Variants in WTIP observed in about 807,000 individuals in gnomAD.
The protein encoded by WTIP is WT1 interacting protein.
A neutral mutation model predicts 41.7 loss-of-function variants in WTIP; 23 were observed. The ratio of observed to expected loss-of-function variants is 0.55; its 90% confidence interval spans 0.40 to 0.78. The LOEUF (loss-of-function observed/expected upper bound fraction) is 0.78, where lower values mean the gene tolerates loss of function less well. WTIP is among the 30% of genes least tolerant of loss of function. The pLI is 0.00. For missense variants in WTIP, 619 were observed against 610.5 expected, an observed-to-expected ratio of 1.01 and a Z score of -0.15; for synonymous variants, 314 against 269.9, an observed-to-expected ratio of 1.16 and a Z score of -1.60.
chr19:34,495,682 G>A, intron 6 of WTIP, 21 bp from the exon 7 acceptor site: 2 of 1,613,488 alleles, frequency 1.2e-6, no homozygotes, highest in South Asian at 2.2e-5. Context: ...CATCGTGTGT[G>A]AACTCCTTCT....
chr19:34,488,665 C>T (rs1209006188), intron 1 of WTIP, among the ~76,000 whole-genome samples: 1 of 151,898 alleles, frequency 6.6e-6, no homozygotes, highest in Non-Finnish European at 1.5e-5. Flanking sequence ...CTGCACCCAG[C>T]CCGCTTCCTT....
intron 1 of WTIP, among the ~76,000 whole-genome samples, chr19:34,485,595 A>AT (rs780006743): frequency 4.8e-3 from 679 of 142,672 alleles, no homozygotes; most frequent in African/African-American, 9.7e-3. Context: ...TTTTAAATTA[A>AT]TTTTTTTTTT....
At chr19:34,491,435 T>G (rs1224959933) in intron 2 of WTIP, among the ~76,000 whole-genome samples, 1 of 152,164 alleles carries the variant, frequency 6.6e-6, no homozygotes, top group Non-Finnish European at 1.5e-5. Context: ...GCGATTCTTC[T>G]GCCTCAGCCT....
Position 34,508,834 on chromosome 19 carries a change from G to A in WTIP, c.*8565G>A, listed in dbSNP as rs2075923153. Reference sequence around the variant, plus strand: ...AGACGCCTGTAGTAAAATCCGCTCTGTGACGGTGGTGTATAAACATTTTCT... The same window carrying A: ...AGACGCCTGTAGTAAAATCCGCTCTATGACGGTGGTGTATAAACATTTTCT... On this transcript the variant is annotated 3_prime_UTR_variant, in exon 8 of 8. Coordinates refer to ENST00000590071, the MANE Select transcript of WTIP (RefSeq NM_001080436.2). The A allele has an allele frequency of 6.6e-6, 1 of 152,210 alleles. No individual in the cohort carries two copies. Among genetic ancestry groups the A allele is most frequent in the Admixed American group, 6.5e-5 (1 of 15,278 alleles). The allele number at this position is 152,210 out of a possible 1,614,324, so 9.4% of individuals were successfully genotyped here. A position where few individuals can be genotyped will look rare whatever the true frequency, so the allele number is the denominator to read the frequency against.
In WTIP at chr19:34,511,614, T is replaced by C. The variant is rs1337652723; in HGVS notation, c.*11345T>C. ...CATGGCCACCTTGCCCACTAGAACATCTGTGCCAAGCAGTGTTCCCATCAA... is the reference window on the plus strand; with the variant it reads ...CATGGCCACCTTGCCCACTAGAACACCTGTGCCAAGCAGTGTTCCCATCAA... On this transcript the variant is annotated 3_prime_UTR_variant, in exon 8 of 8. Transcript: ENST00000590071. The C allele has an allele frequency of 2.0e-5, 3 of 152,162 alleles. No homozygotes were observed. Among genetic ancestry groups the C allele is most frequent in the African/African-American group, 7.2e-5 (3 of 41,436 alleles). 9.4% of individuals were successfully genotyped at this position (152,162 alleles called of 1,614,324 possible).
In WTIP at chr19:34,490,550, C is replaced by T. The variant is rs966456974; in HGVS notation, c.769+73C>T. The T allele has an allele frequency of 4.1e-6, 6 of 1,456,478 alleles. No individual in the cohort carries two copies. In the African/African-American group the frequency reaches 4.2e-5, roughly 10 times the overall value. The allele number at this position is 1,456,478 out of a possible 1,614,324, so 90.2% of individuals were successfully genotyped here. On this transcript the variant is annotated intron_variant, in intron 2 of 7. Coordinates refer to ENST00000590071, the MANE Select transcript of WTIP (RefSeq NM_001080436.2). ...ATCATCCCCATTCCCCTCAAACTGC[C>T]TTGCCCCTGAGTCCAGGCAGATGGA...
In WTIP at chr19:34,495,722, G is replaced by C; in HGVS notation, c.1103G>C (p.Arg368Pro). The change falls in exon 7 of 8, where the codon CGT (arginine) becomes CCT (proline). Residue 368 changes from arginine (R) to proline (P), a missense_variant. Around this residue, in one of 3 missense-constraint regions of WTIP, gnomAD observed 164 missense variants for 219.1 expected, o/e 0.75. Coordinates refer to ENST00000590071, the MANE Select transcript of WTIP (RefSeq NM_001080436.2). ...LPAQGCETTI[R>P]VVSMDRDYHV... ...CTCCAGGGCTGCGAGACAACCATCC[G>C]TGTGGTGTCCATGGACAGAGACTAC... is the stretch of plus-strand genomic sequence containing the variant. 1 of 1,613,980 alleles carries C rather than the reference G, an allele frequency of 6.2e-7. No homozygotes were observed. The highest frequency in any genetic ancestry group is 8.5e-7 in the Non-Finnish European group (1 of 1,179,972).
chr19:34,489,556 A>G (rs956841263), intron 1 of WTIP, among the ~76,000 whole-genome samples: 6 of 152,198 alleles, frequency 3.9e-5, no homozygotes, highest in Non-Finnish European at 8.8e-5. Flanking sequence ...GTTGAAGAAC[A>G]GGATTTGGTT....
At chr19:34,499,934 G>C (rs2075875331) in intron 7 of WTIP, among the ~76,000 whole-genome samples, 195 bp from the exon 8 acceptor site, 1 of 152,052 alleles carries the variant, frequency 6.6e-6, no homozygotes, top group South Asian at 2.1e-4. Flanking sequence ...CCTGACCGAA[G>C]CGATGATCCA....
chr19:34,488,648 T>C (rs935355816), intron 1 of WTIP, among the ~76,000 whole-genome samples: 4 of 151,470 alleles, frequency 2.6e-5, no homozygotes, highest in Non-Finnish European at 4.4e-5. Context: ...ATTACAGGCA[T>C]GAGCCACTGC....
Position 34,506,636 on chromosome 19 carries a change from A to G in WTIP, c.*6367A>G, listed in dbSNP as rs1397144295. ...GCCAGGTGTGGTGGTGGGCACCTGTAGTCCCAGCTACTGGGGAGGAGGCTG... is the reference window on the plus strand; with the variant it reads ...GCCAGGTGTGGTGGTGGGCACCTGTGGTCCCAGCTACTGGGGAGGAGGCTG... On this transcript the variant is annotated 3_prime_UTR_variant, in exon 8 of 8. Coordinates refer to ENST00000590071, the MANE Select transcript of WTIP (RefSeq NM_001080436.2). The G allele has an allele frequency of 2.0e-5, 3 of 152,176 alleles. No individual in the cohort carries two copies. Among genetic ancestry groups the G allele is most frequent in the Non-Finnish European group, 4.4e-5 (3 of 68,058 alleles). The allele number at this position is 152,176 out of a possible 1,614,324, so 9.4% of individuals were successfully genotyped here.
At chr19:34,484,347 T>G (rs1267459910) in intron 1 of WTIP, among the ~76,000 whole-genome samples, 12 of 152,016 alleles carry the variant, frequency 7.9e-5, no homozygotes. Flanking sequence ...CTCTTCCCCC[T>G]GGGGTTGCAG....
chr19:34,481,994 G>C lies in WTIP; in HGVS notation c.20G>C (p.Gly7Ala), dbSNP rs912293882. Residue 7 changes from glycine (G) to alanine (A), a missense_variant, in exon 1 of 8, where the codon GGC becomes GCC. Coordinates refer to ENST00000590071, the MANE Select transcript of WTIP (RefSeq NM_001080436.2). Reference sequence around the variant, plus strand: ...CGGGCCATGCAGCGCTCCAGGGCGGGCGCGGACGAGGCGGCCCTACTCCTG... The same window carrying C: ...CGGGCCATGCAGCGCTCCAGGGCGGCCGCGGACGAGGCGGCCCTACTCCTG... MQRSRA[G>A]ADEAALLLAG... is the part of the protein sequence containing the mutation. 18 of 1,014,306 alleles carry C rather than the reference G, an allele frequency of 1.8e-5. No individual in the cohort carries two copies. The highest frequency in any genetic ancestry group is 1.7e-5 in the African/African-American group (1 of 57,472). 62.8% of individuals were successfully genotyped at this position (1,014,306 alleles called of 1,614,324 possible). A position where few individuals can be genotyped will look rare whatever the true frequency, so the allele number is the denominator to read the frequency against.
chr19:34,482,231 C>G lies in WTIP; in HGVS notation c.257C>G (p.Ala86Gly), dbSNP rs1037148261. The change falls in exon 1 of 8, where the codon GCG (alanine) becomes GGG (glycine). Residue 86 changes from alanine to glycine, a missense_variant. This residue lies in a region of WTIP where 363 missense variants were observed against 309.0 expected (regional missense o/e 1.17). Coordinates refer to ENST00000590071, the MANE Select transcript of WTIP (RefSeq NM_001080436.2). ...AAVPELSAQP[A>G]GSPRASLAGS... is the part of the protein sequence containing the mutation. ...GTTCCGGAGCTCAGCGCGCAGCCTGCGGGCAGCCCACGGGCCAGCCTGGCG... is the reference window on the plus strand; with the variant it reads ...GTTCCGGAGCTCAGCGCGCAGCCTGGGGGCAGCCCACGGGCCAGCCTGGCG... 26 of 1,174,464 alleles carry G rather than the reference C, an allele frequency of 2.2e-5. No individual in the cohort carries two copies. Among genetic ancestry groups the G allele is most frequent in the Non-Finnish European group, 2.6e-5 (25 of 954,938 alleles). 72.8% of individuals were successfully genotyped at this position (1,174,464 alleles called of 1,614,324 possible).
At position 34,482,444 on chromosome 19, in the gene WTIP, C is replaced by T. The variant is rs2075772655; in HGVS notation, c.470C>T (p.Ala157Val). The change falls in exon 1 of 8, where the codon GCT becomes GTT. Residue 157 changes from alanine (A) to valine (V), a missense_variant. Physicochemically the swap from Ala to Val is moderately conservative, Grantham distance 64. This residue lies in a region of WTIP where 363 missense variants were observed against 309.0 expected (regional missense o/e 1.17). Transcript: ENST00000590071. ...TCCCGGGGCTCGGCCGGCGCCTACG[C>T]TGACTTCCTCCCGCCCGGCGCCTGC... ...LGSRGSAGAY[A>V]DFLPPGACPA... 1.5e-6 allele frequency: 2 copies of T among 1,315,070 alleles called. No individual in the cohort carries two copies. The highest frequency in any genetic ancestry group is 1.9e-6 in the Non-Finnish European group (2 of 1,032,468). The allele number at this position is 1,315,070 out of a possible 1,614,324, so 81.5% of individuals were successfully genotyped here.
In WTIP at chr19:34,506,398, C is replaced by A. The variant is rs1326966093; in HGVS notation, c.*6129C>A. ...AACAGACTCTTCCAGGGAATTTTAACTTTTTATCATCCTATTTACTCTGGA... is the reference window on the plus strand; with the variant it reads ...AACAGACTCTTCCAGGGAATTTTAAATTTTTATCATCCTATTTACTCTGGA... On this transcript the variant is annotated 3_prime_UTR_variant, in exon 8 of 8. Transcript: ENST00000590071. The A allele has an allele frequency of 6.6e-6, 1 of 152,208 alleles. No individual in the cohort carries two copies. Among genetic ancestry groups the A allele is most frequent in the African/African-American group, 2.4e-5 (1 of 41,450 alleles). 9.4% of individuals were successfully genotyped at this position (152,208 alleles called of 1,614,324 possible). A position where few individuals can be genotyped will look rare whatever the true frequency, so the allele number is the denominator to read the frequency against.
Position 34,493,069 on chromosome 19 carries a change from G to T in WTIP, c.802G>T (p.Val268Leu). The T allele has an allele frequency of 1.2e-6, 2 of 1,613,934 alleles. No homozygotes were observed. The highest frequency in any genetic ancestry group is 1.1e-5 in the South Asian group (1 of 91,078). Residue 268 changes from valine to leucine, a missense_variant, in exon 3 of 8, where the codon GTG becomes TTG. By Grantham distance (32) the Val-to-Leu change is conservative. Transcript: ENST00000590071. The surrounding 1 kb of genome is among the most constrained non-coding windows in gnomAD (Gnocchi z 4.1). ...RRLRGKAFYN[V>L]GEKVYCQEDF... Reference sequence around the variant, plus strand: ...ACTCCGTGGGAAGGCGTTCTACAACGTGGGTGAGAAAGTGTACTGCCAGGA... The same window carrying T: ...ACTCCGTGGGAAGGCGTTCTACAACTTGGGTGAGAAAGTGTACTGCCAGGA...
intron 6 of WTIP, 76 bp from the exon 7 acceptor site, chr19:34,495,627 G>T: frequency 1.3e-6 from 2 of 1,528,218 alleles, no homozygotes; most frequent in Non-Finnish European, 9.0e-7. Flanking sequence ...AGCGTGGTGT[G>T]TGGGAGTGTA....
Position 34,500,770 on chromosome 19 carries a change from G to C in WTIP, c.*501G>C, listed in dbSNP as rs2075881621. On this transcript the variant is annotated 3_prime_UTR_variant, in exon 8 of 8. Transcript: ENST00000590071. ...GCGCAGTTCCTGCTGGTGGGTGGAA[G>C]GGTGCCTGGTTTAGGCGGGGTCCCA... 6.5e-6 allele frequency: 1 copy of C among 154,232 alleles called. No individual in the cohort carries two copies. The highest frequency in any genetic ancestry group is 2.4e-5 in the African/African-American group (1 of 41,536). The allele number at this position is 154,232 out of a possible 1,614,324, so 9.6% of individuals were successfully genotyped here. A position where few individuals can be genotyped will look rare whatever the true frequency, so the allele number is the denominator to read the frequency against.
Sources: gnomAD v4.1 joint callset for allele counts (sites outside exome capture counted in the v4.1 genomes callset) on GRCh38, gnomAD v4.1.1 for gene constraint, gnomAD v4.1.1 regional missense constraint, Gnocchi (gnomAD v3.1) non-coding constraint, MANE v1.5 for transcripts, NCBI Gene and HGNC (gene_info 2026-07-23, HGNC 2026-07-21) for gene names.